ZCWPW2: variants seen among roughly 807,000 people sequenced by gnomAD.
The protein encoded by ZCWPW2 is zinc finger CW-type PWWP domain protein 2.
Under a neutral mutation model 46.6 loss-of-function variants are expected in ZCWPW2, and 45 were observed. That is an observed-to-expected ratio of 0.96 (90% confidence interval 0.76 to 1.24). The LOEUF is 1.24. Ranked by LOEUF, ZCWPW2 falls within the 50% of genes most tolerant of loss-of-function variation. The pLI is 0.00. For synonymous variants in ZCWPW2, 152 were observed against 137.1 expected, an observed-to-expected ratio of 1.11 and a Z score of -0.76; for missense variants, 429 against 403.9, an observed-to-expected ratio of 1.06 and a Z score of -0.53.
intron 2 of ZCWPW2, among the ~76,000 whole-genome samples, chr3:28,400,388 T>C (rs938106561): frequency 2.0e-5 from 3 of 152,200 alleles, no homozygotes; most frequent in Non-Finnish European, 4.4e-5. Flanking sequence ...CAAGGAAAGC[T>C]TCTTCAGCCT....
chr3:28,484,045 G>C (rs1367137669), intron 5 of ZCWPW2, among the ~76,000 whole-genome samples: 1 of 152,072 alleles, frequency 6.6e-6, no homozygotes, highest in Non-Finnish European at 1.5e-5. Context: ...GAAAACCCTT[G>C]ACTTGTTCTT....
At chr3:28,364,779 C>G (rs1259325491) in intron 1 of ZCWPW2, among the ~76,000 whole-genome samples, 1 of 151,970 alleles carries the variant, frequency 6.6e-6, no homozygotes, top group Non-Finnish European at 1.5e-5. Context: ...TTTATATTCC[C>G]ACTAACAGTG....
intron 4 of ZCWPW2, among the ~76,000 whole-genome samples, chr3:28,467,836 C>A (rs1698884207): frequency 6.6e-6 from 1 of 152,178 alleles, no homozygotes; most frequent in Admixed American, 6.5e-5. Context: ...ACCTGGAAAG[C>A]TTTCCCAAAA....
chr3:28,471,624 C>T (rs754865874), intron 4 of ZCWPW2, among the ~76,000 whole-genome samples: 1 of 152,106 alleles, frequency 6.6e-6, no homozygotes, highest in African/African-American at 2.4e-5. Flanking sequence ...CACAGACACA[C>T]AGCTGGTATG....
chr3:28,457,879 A>G lies in ZCWPW2; in HGVS notation c.493-20935A>G, dbSNP rs1406795961. On this transcript the variant is annotated intron_variant, in intron 4 of 9. Transcript: ENST00000383768. The stretch of plus-strand genomic sequence containing the variant: ...CTTTTTAAAAATTGTATTAAAATAG[A>G]TATAAGATAAAATTTACCATCTTAA... Among the ~76,000 whole-genome samples the G allele has an allele frequency of 2.6e-5, 4 of 152,360 alleles. No homozygotes were observed. The East Asian group carries it at 7.7e-4, about 29-fold the overall frequency.
At chr3:28,379,070 C>CT (rs1368738374) in intron 1 of ZCWPW2, among the ~76,000 whole-genome samples, 11 of 152,222 alleles carry the variant, frequency 7.2e-5, no homozygotes, top group African/African-American at 2.6e-4. Context: ...CATAATAGTA[C>CT]TTATCATCAC....
chr3:28,479,391 A>G (rs1699349419), intron 5 of ZCWPW2, among the ~76,000 whole-genome samples: 2 of 152,194 alleles, frequency 1.3e-5, no homozygotes, highest in South Asian at 4.1e-4. Context: ...TTTAAAAAAA[A>G]ACTAGGTGAA....
At chr3:28,450,430 A>C (rs1342393208) in intron 4 of ZCWPW2, among the ~76,000 whole-genome samples, 1 of 152,190 alleles carries the variant, frequency 6.6e-6, no homozygotes, top group Non-Finnish European at 1.5e-5. Context: ...CAGAATTTTG[A>C]CTTAATGTTT....
At chr3:28,356,534 A>G (rs77468139) in intron 1 of ZCWPW2, among the ~76,000 whole-genome samples, 3 of 152,300 alleles carry the variant, frequency 2.0e-5, no homozygotes, top group East Asian at 1.9e-4. Flanking sequence ...AAATCATGCT[A>G]CTCTAAAGAC....
At chr3:28,359,766 T>G (rs1704871684) in intron 1 of ZCWPW2, among the ~76,000 whole-genome samples, 1 of 152,140 alleles carries the variant, frequency 6.6e-6, no homozygotes, top group South Asian at 2.1e-4. Flanking sequence ...TCATGAAACA[T>G]TCCCTTATGT....
rs151167993 is a variant in ZCWPW2 at position 28,355,864 on chromosome 3, G to T, written c.-134+6661G>T. Among the ~76,000 whole-genome samples the T allele has an allele frequency of 1.3e-3, 204 of 152,268 alleles. 4 individuals carry two copies. In the East Asian group the frequency reaches 0.035, roughly 26 times the overall value. ...AAAATTAATTCAAGATGGATTAAAG[G>T]TTTAAATGTCAGTCCTAAAACCATA... On this transcript the variant is annotated intron_variant, in intron 1 of 9. Coordinates refer to ENST00000383768, the MANE Select transcript of ZCWPW2 (RefSeq NM_001040432.4).
At chr3:28,399,429 A>G (rs936235208) in intron 2 of ZCWPW2, among the ~76,000 whole-genome samples, 7 of 152,134 alleles carry the variant, frequency 4.6e-5, no homozygotes, top group Non-Finnish European at 1.0e-4. Flanking sequence ...ACATACTGCC[A>G]CAGCTGATGC....
At chr3:28,512,759 CT>C (rs201757320) in intron 6 of ZCWPW2, among the ~76,000 whole-genome samples, 23 of 148,652 alleles carry the variant, frequency 1.5e-4, no homozygotes, top group Admixed American at 4.0e-4. Context: ...AATGACTTGA[CT>C]TTTTTTTTTG....
chr3:28,456,186 A>G (rs1698414882), intron 4 of ZCWPW2, among the ~76,000 whole-genome samples: 1 of 152,158 alleles, frequency 6.6e-6, no homozygotes, highest in East Asian at 1.9e-4. Context: ...TTCTCCTTGA[A>G]GAAGTCCTTC....
intron 6 of ZCWPW2, among the ~76,000 whole-genome samples, chr3:28,504,260 G>T (rs559963057): frequency 2.6e-5 from 4 of 152,154 alleles, no homozygotes; most frequent in Admixed American, 2.6e-4. Context: ...GCCGTATCAT[G>T]AAATATTTAT....
intron 4 of ZCWPW2, among the ~76,000 whole-genome samples, chr3:28,450,705 T>C (rs552420968): frequency 1.3e-5 from 2 of 152,288 alleles, no homozygotes; most frequent in East Asian, 3.9e-4. Flanking sequence ...CTGCTTATCA[T>C]TGTATGTAAG....
intron 3 of ZCWPW2, among the ~76,000 whole-genome samples, chr3:28,433,220 G>C (rs566927480): frequency 6.6e-6 from 1 of 152,108 alleles, no homozygotes; most frequent in Non-Finnish European, 1.5e-5. Flanking sequence ...TTATGAGGCT[G>C]AATATTCCAT....
chr3:28,357,305 A>G (rs1484296653), intron 1 of ZCWPW2, among the ~76,000 whole-genome samples: 1 of 152,202 alleles, frequency 6.6e-6, no homozygotes, highest in African/African-American at 2.4e-5. Flanking sequence ...AGGAGAAGGA[A>G]AACGTCCAAA....
intron 4 of ZCWPW2, 140 bp from the exon 5 acceptor site, chr3:28,478,671 TAAA>T: frequency 2.5e-6 from 1 of 402,054 alleles, no homozygotes; most frequent in Non-Finnish European, 4.3e-6. Context: ...AAAATAATAT[TAAA>T]ATAATAATTA....
Sources: allele counts gnomAD v4.1 joint callset (sites outside exome capture counted in the v4.1 genomes callset), GRCh38; gene constraint gnomAD v4.1.1; transcripts MANE v1.5; gene names NCBI Gene and HGNC (gene_info 2026-07-23, HGNC 2026-07-21).